The following WNT4 variants were observed in gnomAD, a reference collection of about 807,000 sequenced individuals.
The protein encoded by WNT4 is protein Wnt-4.
WNT4 carries 16 observed loss-of-function variants against 34.5 expected under a neutral mutation model. The observed-to-expected ratio is 0.46, with a 90% CI of 0.31 to 0.70. WNT4 has a LOEUF of 0.70. Among genes scored for constraint, WNT4 ranks in the 30% least tolerant of loss-of-function variants. The pLI, the probability that WNT4 is intolerant of heterozygous loss-of-function variation, is 0.04. For missense variants in WNT4, 379 were observed against 495.9 expected (o/e 0.76, Z 2.24); for synonymous variants, 200 against 211.9 (o/e 0.94, Z 0.49).
At chr1:22,133,868 C>T (rs1230736544) in intron 1 of WNT4, among the ~76,000 whole-genome samples, 2 of 152,242 alleles carry the variant, frequency 1.3e-5, no homozygotes, top group African/African-American at 2.4e-5. Context: ...AGGGCCCTTG[C>T]CCTGCCAGGG....
chr1:22,121,954 A>G (rs531439715), intron 2 of WNT4, among the ~76,000 whole-genome samples: 2 of 152,046 alleles, frequency 1.3e-5, no homozygotes, highest in South Asian at 4.2e-4. Context: ...CGTTCTCACT[A>G]CCCCCACCAG....
Position 22,134,657 on chromosome 1 carries a change from G to A in WNT4, c.78-4806C>T, listed in dbSNP as rs564412118. 6.6e-6 allele frequency among the ~76,000 whole-genome samples: 1 copy of A among 152,194 alleles called. No individual in the cohort carries two copies. The highest frequency in any genetic ancestry group is 2.4e-5 in the African/African-American group (1 of 41,442). On this transcript the variant is annotated intron_variant, in intron 1 of 4. Transcript: ENST00000290167. This position sits in a 1 kb window ranked among gnomAD's most constrained non-coding sequence, Gnocchi z 4.1. ...GGGAGACTGGAATTCCTGCACGCAG[G>A]AGGCCTAAATGAATGAAATCTGTGT...
chr1:22,141,641 C>G (rs951121442), intron 1 of WNT4, among the ~76,000 whole-genome samples: 1 of 152,178 alleles, frequency 6.6e-6, no homozygotes, highest in African/African-American at 2.4e-5. Flanking sequence ...GGGAGAATTC[C>G]ACATCACCTC....
chr1:22,129,204 G>A (rs538452001), intron 2 of WNT4, among the ~76,000 whole-genome samples: 3 of 152,282 alleles, frequency 2.0e-5, no homozygotes, highest in South Asian at 2.1e-4. Flanking sequence ...GAAGAGCAGC[G>A]GGCCAGGGGT....
rs1440092401 is a variant in WNT4 at position 22,137,081 on chromosome 1, T to C, written c.77+5765A>G. On this transcript the variant is annotated intron_variant, in intron 1 of 4. Transcript: ENST00000290167. The surrounding 1 kb of genome is among the most constrained non-coding windows in gnomAD (Gnocchi z 5.3). The stretch of plus-strand genomic sequence containing the variant: ...TCTAATGGGCCTCTCCAAAGATACA[T>C]GTGAGCTGTCCGAGGCTCCTCTCCC... Among the ~76,000 whole-genome samples, 1 of 152,122 alleles carries C rather than the reference T, an allele frequency of 6.6e-6. No homozygotes were observed. Among genetic ancestry groups the C allele is most frequent in the Non-Finnish European group, 1.5e-5 (1 of 68,010 alleles).
chr1:22,121,821 C>T (rs1384705036), intron 2 of WNT4, among the ~76,000 whole-genome samples: 2 of 152,244 alleles, frequency 1.3e-5, no homozygotes, highest in Non-Finnish European at 2.9e-5. Context: ...TCCTCACAAC[C>T]ACCCCAGGAG....
At position 22,129,800 on chromosome 1, in the gene WNT4, G is replaced by T. The variant is rs148427888; in HGVS notation, c.129C>A (p.Cys43Ter). The T allele has an allele frequency of 6.2e-7, 1 of 1,614,020 alleles. No individual in the cohort carries two copies. The highest frequency in any genetic ancestry group is 8.5e-7 in the Non-Finnish European group (1 of 1,180,036). ...TCTGGATCAGGCCCTTGAGTTTCTC[G>T]CACGTCTCCTCCTCTGAGATGCTCC... ...SVGSISEEET[C>*]EKLKGLIQRQ... The change falls in exon 2 of 5, where the codon TGC (cysteine) becomes TGA (stop). Residue 43 changes from cysteine (C) to a stop codon, truncating the protein, a stop_gained. Coordinates refer to ENST00000290167, the MANE Select transcript of WNT4 (RefSeq NM_030761.5). LOFTEE classifies it high-confidence loss of function.
chr1:22,126,670 C>T (rs868331944), intron 2 of WNT4, among the ~76,000 whole-genome samples: 8 of 152,206 alleles, frequency 5.3e-5, no homozygotes, highest in Admixed American at 1.3e-4. Context: ...CCAGCCAGGC[C>T]GCTCATGTAT....
At chr1:22,122,090 C>T (rs1377428978) in intron 2 of WNT4, among the ~76,000 whole-genome samples, 1 of 152,206 alleles carries the variant, frequency 6.6e-6, no homozygotes, top group East Asian at 1.9e-4. Flanking sequence ...GCTGGCCCCA[C>T]TGGGCTCTGA....
chr1:22,123,206 G>C lies in WNT4; in HGVS notation c.314-1630C>G, dbSNP rs370639786. On this transcript the variant is annotated intron_variant, in intron 2 of 4. Coordinates refer to ENST00000290167, the MANE Select transcript of WNT4 (RefSeq NM_030761.5). ...GACGGGGCTGGCTGATGAGACTGGC[G>C]GGTCGCCTCAGCCTGGCCTCGCGTG... 4.6e-5 allele frequency among the ~76,000 whole-genome samples: 7 copies of C among 152,232 alleles called. No homozygotes were observed. The South Asian group carries it at 1.5e-3, about 32-fold the overall frequency.
Position 22,134,350 on chromosome 1 carries a change from A to G in WNT4, c.78-4499T>C, listed in dbSNP as rs1239972006. Reference sequence around the variant, plus strand: ...GGGGGCGAAAGTGACCACAGTCCCCATCTAGGACTGTGTTCTTAGGGGGAT... The same window carrying G: ...GGGGGCGAAAGTGACCACAGTCCCCGTCTAGGACTGTGTTCTTAGGGGGAT... On this transcript the variant is annotated intron_variant, in intron 1 of 4. Transcript: ENST00000290167. The surrounding 1 kb of genome is among the most constrained non-coding windows in gnomAD (Gnocchi z 4.1). 2.0e-5 allele frequency among the ~76,000 whole-genome samples: 3 copies of G among 152,170 alleles called. No homozygotes were observed. Among genetic ancestry groups the G allele is most frequent in the Non-Finnish European group, 4.4e-5 (3 of 68,020 alleles).
intron 1 of WNT4, among the ~76,000 whole-genome samples, chr1:22,138,377 C>A (rs1646038136): frequency 1.3e-5 from 2 of 151,552 alleles, no homozygotes; most frequent in Non-Finnish European, 2.9e-5. Flanking sequence ...CTTTGCCAAC[C>A]ATTGATTCCT....
chr1:22,134,498 C>A lies in WNT4; in HGVS notation c.78-4647G>T, dbSNP rs12139609. ...CCTGATGGTGCCCTAGCCTTGGAGA[C>A]CCTTGTCTTTTGGCATGGCAGGCAG... is the stretch of plus-strand genomic sequence containing the variant. On this transcript the variant is annotated intron_variant, in intron 1 of 4. Transcript: ENST00000290167. This position sits in a 1 kb window ranked among gnomAD's most constrained non-coding sequence, Gnocchi z 4.1. Among the ~76,000 whole-genome samples the A allele has an allele frequency of 0.07, 10,605 of 152,232 alleles. 597 individuals are homozygous for A. Among genetic ancestry groups the A allele is most frequent in the African/African-American group, 0.15 (6,370 of 41,494 alleles).
Position 22,119,975 on chromosome 1 carries a change from G to C in WNT4, c.*75C>G. On this transcript the variant is annotated 3_prime_UTR_variant, in exon 5 of 5. Transcript: ENST00000290167. ...ATACAACCAGTATCTCTTGGGGTAG[G>C]TGGTGGGAGACTGTTTAAATTATCG... 6.5e-7 allele frequency: 1 copy of C among 1,532,034 alleles called. No homozygotes were observed. Among genetic ancestry groups the C allele is most frequent in the Non-Finnish European group, 8.9e-7 (1 of 1,126,838 alleles). The allele number at this position is 1,532,034 out of a possible 1,614,324, so 94.9% of individuals were successfully genotyped here. A position where few individuals can be genotyped will look rare whatever the true frequency, so the allele number is the denominator to read the frequency against.
At chr1:22,121,806 T>C (rs758103637) in intron 2 of WNT4, among the ~76,000 whole-genome samples, 2 of 152,230 alleles carry the variant, frequency 1.3e-5, no homozygotes, top group Non-Finnish European at 2.9e-5. Context: ...GTGCAGATGC[T>C]GTCATCCTCA....
At chr1:22,136,425 G>A (rs764103653) in intron 1 of WNT4, among the ~76,000 whole-genome samples, 2 of 152,198 alleles carry the variant, frequency 1.3e-5, no homozygotes, top group Non-Finnish European at 2.9e-5. Context: ...GGAGGGACAG[G>A]TGAAACCCCA....
chr1:22,135,122 C>A (rs1294015692), intron 1 of WNT4, among the ~76,000 whole-genome samples: 1 of 152,138 alleles, frequency 6.6e-6, no homozygotes, highest in Non-Finnish European at 1.5e-5. Flanking sequence ...AGAGCTGGGA[C>A]ACTGGGGTGA....
chr1:22,123,132 C>T lies in WNT4; in HGVS notation c.314-1556G>A, dbSNP rs1158067970. ...TCTGGTATTTCCAGGCCTGAACCAG[C>T]ACAAATCTTTGCCCCAAAGACCAAG... is the stretch of plus-strand genomic sequence containing the variant. On this transcript the variant is annotated intron_variant, in intron 2 of 4. Coordinates refer to ENST00000290167, the MANE Select transcript of WNT4 (RefSeq NM_030761.5). 2.0e-5 allele frequency among the ~76,000 whole-genome samples: 3 copies of T among 152,212 alleles called. No homozygotes were observed. In the East Asian group the frequency reaches 5.8e-4, roughly 29 times the overall value.
intron 2 of WNT4, chr1:22,127,244 A>G: frequency 2.0e-6 from 1 of 494,984 alleles, no homozygotes; most frequent in Non-Finnish European, 4.2e-6. Context: ...CAGAGCAGGT[A>G]CCACCCAGGC....
Sources: gnomAD v4.1 joint callset for allele counts (sites outside exome capture counted in the v4.1 genomes callset) on GRCh38, gnomAD v4.1.1 for gene constraint, Gnocchi (gnomAD v3.1) non-coding constraint, MANE v1.5 for transcripts, NCBI Gene and HGNC (gene_info 2026-07-23, HGNC 2026-07-21) for gene names.